Variants in MTAP observed in about 807,000 individuals in gnomAD.
MTAP encodes S-methyl-5'-thioadenosine phosphorylase.
A neutral mutation model predicts 33.6 loss-of-function variants in MTAP; 33 were observed. That is an observed-to-expected ratio of 0.98 (90% CI 0.74 to 1.31). The LOEUF (loss-of-function observed/expected upper bound fraction) is 1.31. Ranked by LOEUF, MTAP falls within the 40% of genes most tolerant of loss-of-function variation. The pLI is 0.00. For missense variants in MTAP, 367 were observed against 360.0 expected, an observed-to-expected ratio of 1.02 and a Z score of -0.16; for synonymous variants, 148 against 125.7, an observed-to-expected ratio of 1.18 and a Z score of -1.19.
intron 1 of MTAP, among the ~76,000 whole-genome samples, chr9:21,896,275 A>G (rs1453016417): frequency 1.3e-5 from 2 of 152,224 alleles, no homozygotes; most frequent in African/African-American, 4.8e-5. Flanking sequence ...AATGCCCACA[A>G]GAGAAAGCAG....
chr9:21,824,647 A>C (rs938739832), intron 4 of MTAP, among the ~76,000 whole-genome samples: 17 of 152,232 alleles, frequency 1.1e-4, no homozygotes, highest in African/African-American at 4.1e-4. Flanking sequence ...GGGACATTTA[A>C]GTCTGCAGAG....
At chr9:21,895,162 A>T (rs545037439) in intron 1 of MTAP, among the ~76,000 whole-genome samples, 3 of 152,342 alleles carry the variant, frequency 2.0e-5, no homozygotes, top group African/African-American at 7.2e-5. Flanking sequence ...TTTTCATAGA[A>T]TTAGAAAAAA....
intron 3 of MTAP, among the ~76,000 whole-genome samples, chr9:21,817,396 G>A (rs981368135): frequency 6.6e-6 from 1 of 151,910 alleles, no homozygotes; most frequent in Non-Finnish European, 1.5e-5. Flanking sequence ...GCTTGGGGTT[G>A]CACAAGGCCC....
intron 1 of MTAP, among the ~76,000 whole-genome samples, chr9:21,891,254 C>T (rs1818196520): frequency 6.6e-6 from 1 of 152,034 alleles, no homozygotes; most frequent in Non-Finnish European, 1.5e-5. Flanking sequence ...CTCAAAATGA[C>T]CACACTAGAT....
chr9:21,884,048 A>G (rs1317683813), intron 1 of MTAP, among the ~76,000 whole-genome samples: 1 of 152,146 alleles, frequency 6.6e-6, no homozygotes, highest in Non-Finnish European at 1.5e-5. Context: ...AAAAATTGCA[A>G]GAAGTTTCTT....
intron 1 of MTAP, chr9:21,811,891 C>T (rs1824359085): frequency 2.6e-6 from 1 of 385,986 alleles, no homozygotes; most frequent in African/African-American, 2.1e-5. Context: ...GGTGGGAAGT[C>T]ACACACAGCT....
intron 1 of MTAP, among the ~76,000 whole-genome samples, chr9:21,874,302 G>A (rs1383096020): frequency 6.6e-6 from 1 of 152,116 alleles, no homozygotes; most frequent in African/African-American, 2.4e-5. Context: ...TTTCATCTAT[G>A]AATATTTCCA....
At chr9:21,900,864 C>A (rs1168571096) in intron 1 of MTAP, among the ~76,000 whole-genome samples, 1 of 152,192 alleles carries the variant, frequency 6.6e-6, no homozygotes, top group Non-Finnish European at 1.5e-5. Context: ...ATGTCTTTTG[C>A]AGCAGCATGG....
At chr9:21,805,899 T>G (rs1824195736) in intron 1 of MTAP, among the ~76,000 whole-genome samples, 1 of 152,028 alleles carries the variant, frequency 6.6e-6, no homozygotes, top group South Asian at 2.1e-4. Flanking sequence ...AGGGTAAAGA[T>G]CCAAGTGAAG....
chr9:21,831,785 ATT>A (rs35859306), intron 4 of MTAP, among the ~76,000 whole-genome samples: 62 of 148,464 alleles, frequency 4.2e-4, no homozygotes, highest in Non-Finnish European at 4.8e-4. Flanking sequence ...GCAGATATTG[ATT>A]TTTTTTTTTT....
At chr9:21,924,772 T>G (rs1461814918) in intron 1 of MTAP, among the ~76,000 whole-genome samples, 4 of 152,196 alleles carry the variant, frequency 2.6e-5, no homozygotes, top group African/African-American at 9.6e-5. Context: ...CCCCCTCAAG[T>G]TATGCTCCCT....
At chr9:21,844,622 CAA>C (rs905112780) in intron 5 of MTAP, among the ~76,000 whole-genome samples, 20 of 152,260 alleles carry the variant, frequency 1.3e-4, no homozygotes, top group Middle Eastern at 6.8e-3. Context: ...TAATTTAAAA[CAA>C]AAATCACATG....
chr9:21,842,110 C>T (rs992513028), intron 5 of MTAP, among the ~76,000 whole-genome samples: 1 of 152,058 alleles, frequency 6.6e-6, no homozygotes, highest in African/African-American at 2.4e-5. Context: ...AAATGAAAGA[C>T]ACACTTAGAG....
At chr9:21,806,742 G>A (rs1824218417) in intron 1 of MTAP, among the ~76,000 whole-genome samples, 1 of 152,128 alleles carries the variant, frequency 6.6e-6, no homozygotes, top group African/African-American at 2.4e-5. Context: ...CATCAGCCAA[G>A]GGCAGGTGGT....
chr9:21,867,022 TTTTA>T lies in MTAP; in HGVS notation c.*5012_*5015del, dbSNP rs1341125688. 6 of 152,178 alleles carry T rather than the reference TTTTA, an allele frequency of 3.9e-5. No individual in the cohort carries two copies. The highest frequency in any genetic ancestry group is 1.4e-4 in the African/African-American group (6 of 41,460). The allele number at this position is 152,178 out of a possible 1,614,324, so 9.4% of individuals were successfully genotyped here. On this transcript the variant is annotated 3_prime_UTR_variant, in exon 8 of 8. Coordinates refer to ENST00000644715, the MANE Select transcript of MTAP (RefSeq NM_002451.4). Reference sequence around the variant, plus strand: ...TTTATTGCTGGTATACAGAAATATGTTTTATTTTTGTATATTGACTTTATATTCT... The same window carrying T: ...TTTATTGCTGGTATACAGAAATATGTTTTTTGTATATTGACTTTATATTCT...
intron 6 of MTAP, among the ~76,000 whole-genome samples, chr9:21,855,570 C>T (rs1825623036): frequency 6.6e-6 from 1 of 151,900 alleles, no homozygotes; most frequent in Admixed American, 6.6e-5. Context: ...AGGAGGGATG[C>T]AATACAGTAG....
At chr9:21,914,272 A>T (rs201705775) in intron 1 of MTAP, among the ~76,000 whole-genome samples, 2 of 152,186 alleles carry the variant, frequency 1.3e-5, no homozygotes, top group African/African-American at 4.8e-5. Flanking sequence ...GCAGCCATCC[A>T]ATTACTGGGT....
chr9:21,914,417 G>A (rs1254126092), intron 1 of MTAP, among the ~76,000 whole-genome samples: 2 of 152,098 alleles, frequency 1.3e-5, no homozygotes, highest in African/African-American at 2.4e-5. Flanking sequence ...TAAAGAAAAT[G>A]TTGTACATAT....
At chr9:21,936,240 C>G (rs564935745) in exon 8 of MTAP, 13 of 152,158 alleles carry the variant, frequency 8.5e-5, no homozygotes, top group Non-Finnish European at 1.8e-4. Flanking sequence ...CAGATATGGT[C>G]GCTTCCAAGG....
Sources: gnomAD v4.1 joint callset for allele counts (sites outside exome capture counted in the v4.1 genomes callset) on GRCh38, gnomAD v4.1.1 for gene constraint, MANE v1.5 for transcripts, NCBI Gene and HGNC (gene_info 2026-07-23, HGNC 2026-07-21) for gene names.